CD1A: variants seen among roughly 807,000 people sequenced by gnomAD.
CD1A encodes the protein CD1a molecule, also known as T-cell surface glycoprotein CD1a.
Under a neutral mutation model 38.3 loss-of-function variants are expected in CD1A, and 50 were observed. The observed-to-expected ratio is 1.30, with a 90% confidence interval of 1.04 to 1.65. The LOEUF (loss-of-function observed/expected upper bound fraction) is 1.65, where lower values mean the gene tolerates loss of function less well. CD1A is among the 40% of genes most tolerant of loss of function. The pLI, the probability that CD1A is intolerant of heterozygous loss-of-function variation, is 0.00. For missense variants in CD1A, 459 were observed against 406.1 expected, an observed-to-expected ratio of 1.13 and a Z score of -1.12; for synonymous variants, 160 against 150.8, an observed-to-expected ratio of 1.06 and a Z score of -0.45.
Position 158,255,275 on chromosome 1 carries a change from G to A in CD1A, c.250G>A (p.Glu84Lys), listed in dbSNP as rs1425907404. 1.9e-6 allele frequency: 3 copies of A among 1,614,016 alleles called. No homozygotes were observed. In the African/African-American group the frequency reaches 4.0e-5, roughly 22 times the overall value. The change falls in exon 2 of 6, where the codon GAA becomes AAA. Residue 84 changes from glutamate to lysine, a missense_variant. Glu to Lys is a moderately conservative substitution (Grantham distance 56). Transcript: ENST00000289429. ...CAGCAATGAGGAGTGGAAGGAACTGGAAACATTATTCCGTATACGCACCAT... is the reference window on the plus strand; with the variant it reads ...CAGCAATGAGGAGTGGAAGGAACTGAAAACATTATTCCGTATACGCACCAT... ...NFSNEEWKEL[E>K]TLFRIRTIRS...
At position 158,257,826 on chromosome 1, in the gene CD1A, GC is replaced by G. The variant is rs1650313832; in HGVS notation, c.*137del. On this transcript the variant is annotated 3_prime_UTR_variant, in exon 6 of 6. Coordinates refer to ENST00000289429, the MANE Select transcript of CD1A (RefSeq NM_001763.3). ...TCTTTGTAAAAATTTTGTTATTTTTGCTTGTTTCTGATTAATGATTGTTTGT... is the reference window on the plus strand; with the variant it reads ...TCTTTGTAAAAATTTTGTTATTTTTGTTGTTTCTGATTAATGATTGTTTGT... 2.7e-6 allele frequency: 2 copies of G among 745,856 alleles called. No individual in the cohort carries two copies. The highest frequency in any genetic ancestry group is 4.6e-6 in the Non-Finnish European group (2 of 435,766). 46.2% of individuals were successfully genotyped at this position (745,856 alleles called of 1,614,324 possible).
upstream of CD1A, among the ~76,000 whole-genome samples, chr1:158,251,573 C>T (rs955605612): frequency 8.5e-5 from 13 of 152,148 alleles, no homozygotes; most frequent in African/African-American, 2.7e-4. Context: ...GCTGCAGACT[C>T]GTCTTGTAAT....
upstream of CD1A, among the ~76,000 whole-genome samples, chr1:158,252,225 C>T (rs1316551234): frequency 7.2e-5 from 11 of 151,822 alleles, no homozygotes; most frequent in Admixed American, 2.0e-4. Flanking sequence ...ACCTCAGGCC[C>T]GCATCATGAG....
upstream of CD1A, chr1:158,254,197 G>A: frequency 1.0e-6 from 1 of 1,002,880 alleles, no homozygotes; most frequent in African/African-American, 1.7e-5. Context: ...AAATGTGAAT[G>A]TAGTAAGGGG....
chr1:158,256,708 G>A, intron 3 of CD1A, 78 bp from the exon 4 acceptor site: 2 of 1,466,152 alleles, frequency 1.4e-6, no homozygotes, highest in East Asian at 2.3e-5. Context: ...GGAACAATGT[G>A]TCTATCTAAA....
chr1:158,256,394 T>G lies in CD1A; in HGVS notation c.604+112T>G, dbSNP rs569241459. ...CCACCCAGAAGTGGGAAAGGCTGGG[T>G]GCAGTGCCTCACATCTGTAATCCCA... On this transcript the variant is annotated intron_variant, in intron 3 of 5. Coordinates refer to ENST00000289429, the MANE Select transcript of CD1A (RefSeq NM_001763.3). 63 of 1,054,856 alleles carry G rather than the reference T, an allele frequency of 6.0e-5. No individual in the cohort carries two copies. In the Middle Eastern group the frequency reaches 7.4e-4, roughly 12 times the overall value. 65.3% of individuals were successfully genotyped at this position (1,054,856 alleles called of 1,614,324 possible). A position where few individuals can be genotyped will look rare whatever the true frequency, so the allele number is the denominator to read the frequency against.
chr1:158,255,465 C>G (rs1485922984), intron 2 of CD1A, 115 bp downstream of exon 2: 25 of 1,169,912 alleles, frequency 2.1e-5, no homozygotes, highest in Non-Finnish European at 2.9e-5. Context: ...TCTATTCTTT[C>G]CACCATAAAA....
intron 3 of CD1A, 79 bp from the exon 4 acceptor site, chr1:158,256,707 T>G: frequency 1.4e-6 from 2 of 1,474,756 alleles, no homozygotes; most frequent in Non-Finnish European, 1.8e-6. Flanking sequence ...GGGAACAATG[T>G]GTCTATCTAA....
rs539594308 is a variant in CD1A, at chr1:158,257,843, GATT to G, written c.*154_*156del. The G allele has an allele frequency of 2.2e-5, 15 of 685,882 alleles. No homozygotes were observed. The African/African-American group carries it at 2.7e-4, about 12-fold the overall frequency. 42.5% of individuals were successfully genotyped at this position (685,882 alleles called of 1,614,324 possible). On this transcript the variant is annotated 3_prime_UTR_variant, in exon 6 of 6. Transcript: ENST00000289429. ...TTATTTTTGCTTGTTTCTGATTAAT[GATT>G]GTTTGTCAATATAAGCTCAATTTAA...
At chr1:158,253,405 T>C (rs552874121), upstream of CD1A, among the ~76,000 whole-genome samples, 4 of 152,320 alleles carry the variant, frequency 2.6e-5, no homozygotes, top group African/African-American at 9.6e-5. Context: ...TTATAAGTAA[T>C]AGGACATTTA....
At position 158,256,118 on chromosome 1, in the gene CD1A, C is replaced by G; in HGVS notation, c.440C>G (p.Ser147Ter). The G allele has an allele frequency of 6.2e-7, 1 of 1,614,200 alleles. No homozygotes were observed. Among genetic ancestry groups the G allele is most frequent in the South Asian group, 1.1e-5 (1 of 91,078 alleles). Residue 147 changes from serine (S) to a stop codon, truncating the protein, a stop_gained, in exon 3 of 6, where the codon TCA becomes TGA. Coordinates refer to ENST00000289429, the MANE Select transcript of CD1A (RefSeq NM_001763.3). LOFTEE classifies it high-confidence loss of function. ...GSDFVSFQNN[S>*]WLPYPVAGNM... ...GACTTTGTGAGCTTCCAGAACAATTCATGGTTGCCATATCCAGTGGCTGGG... is the reference window on the plus strand; with the variant it reads ...GACTTTGTGAGCTTCCAGAACAATTGATGGTTGCCATATCCAGTGGCTGGG...
upstream of CD1A, among the ~76,000 whole-genome samples, chr1:158,250,782 G>A (rs1558064181): frequency 6.6e-6 from 1 of 152,092 alleles, no homozygotes; most frequent in Non-Finnish European, 1.5e-5. Flanking sequence ...GAAGTCTGCC[G>A]TCCCTGCAGC....
chr1:158,254,496 T>C lies in CD1A; in HGVS notation c.-174T>C. On this transcript the variant is annotated 5_prime_UTR_variant, in exon 1 of 6. It removes the in-frame stop codon of an upstream open reading frame in the 5' UTR. Transcript: ENST00000289429. ...TCAGAACCAGAGGGAAATGAGAGAC[T>C]GAGTAGGCATCTCAGGGTTTTTGAA... The C allele has an allele frequency of 6.9e-7, 1 of 1,443,494 alleles. No homozygotes were observed. 89.4% of individuals were successfully genotyped at this position (1,443,494 alleles called of 1,614,324 possible).
At chr1:158,249,390 A>G in the CD1A span, among the ~76,000 whole-genome samples, 1 of 152,140 alleles carries the variant, frequency 6.6e-6, no homozygotes, top group Non-Finnish European at 1.5e-5. Flanking sequence ...TACATAGAGT[A>G]CACTTTCTGG....
rs920848395 is a variant in CD1A at position 158,256,949 on chromosome 1, T to C, written c.768T>C (p.Ala256=). 7 of 1,614,064 alleles carry C rather than the reference T, an allele frequency of 4.3e-6. No homozygotes were observed. The African/African-American group carries it at 8.0e-5, about 18-fold the overall frequency. Residue 256 remains alanine (A), a synonymous_variant, in exon 4 of 6, where the codon GCT becomes GCC. Coordinates refer to ENST00000289429, the MANE Select transcript of CD1A (RefSeq NM_001763.3). ...AGCGAGGGGACATCTTGCCCAGTGCTGATGGGACATGGTATCTCCGCGCAA... is the reference window on the plus strand; with the variant it reads ...AGCGAGGGGACATCTTGCCCAGTGCCGATGGGACATGGTATCTCCGCGCAA... The part of the protein sequence containing the change: ...GTQRGDILPS[A]DGTWYLRATL...
Position 158,256,132 on chromosome 1 carries a change from C to T in CD1A, c.454C>T (p.Pro152Ser). ...SFQNNSWLPY[P>S]VAGNMAKHFC... ...CCAGAACAATTCATGGTTGCCATAT[C>T]CAGTGGCTGGGAATATGGCCAAGCA... The change falls in exon 3 of 6, where the codon CCA becomes TCA. Residue 152 changes from proline (P) to serine (S), a missense_variant. Transcript: ENST00000289429. 2.5e-6 allele frequency: 4 copies of T among 1,614,086 alleles called. No homozygotes were observed. The highest frequency in any genetic ancestry group is 3.4e-6 in the Non-Finnish European group (4 of 1,179,986).
chr1:158,254,210 G>A (rs1293802552), upstream of CD1A: 2 of 1,014,802 alleles, frequency 2.0e-6, no homozygotes, highest in East Asian at 1.0e-4. Flanking sequence ...GTAAGGGGCT[G>A]AAGAGACAGG....
In CD1A at chr1:158,256,810, A is replaced by G. The variant is rs975648734; in HGVS notation, c.629A>G (p.His210Arg). 2 of 1,614,158 alleles carry G rather than the reference A, an allele frequency of 1.2e-6. No individual in the cohort carries two copies. ...GTGAAGCCCGAGGCCTGGCTGTCCC[A>G]TGGCCCCAGTCCTGGCCCTGGCCAT... ...RQVKPEAWLS[H>R]GPSPGPGHLQ... The change falls in exon 4 of 6, where the codon CAT (histidine) becomes CGT (arginine). Residue 210 changes from histidine to arginine, a missense_variant. By Grantham distance (29) the His-to-Arg change is conservative. Transcript: ENST00000289429.
intron 3 of CD1A, 94 bp downstream of exon 3, chr1:158,256,376 G>GCCTTTCCC: frequency 7.8e-7 from 1 of 1,287,082 alleles, no homozygotes; most frequent in Non-Finnish European, 1.1e-6. Flanking sequence ...GAGCCACCCA[G>GCCTTTCCC]AAGTGGGAAA....
Sources: allele counts gnomAD v4.1 joint callset (sites outside exome capture counted in the v4.1 genomes callset), GRCh38; gene constraint gnomAD v4.1.1; transcripts MANE v1.5; gene names NCBI Gene and HGNC (gene_info 2026-07-23, HGNC 2026-07-21).